ATP1A4: variants seen among roughly 807,000 people sequenced by gnomAD.
ATP1A4 encodes ATPase Na+/K+ transporting subunit alpha 4.
ATP1A4 carries 90 observed loss-of-function variants against 114.3 expected under a neutral mutation model. The ratio of observed to expected loss-of-function variants is 0.79; its 90% confidence interval spans 0.66 to 0.94. ATP1A4 has a LOEUF of 0.94. ATP1A4 is among the 40% of genes least tolerant of loss of function. ATP1A4 has a pLI of 0.00. For missense variants in ATP1A4, 1,222 were observed against 1,313.6 expected (o/e 0.93, Z 1.08); for synonymous variants, 511 against 494.1 (o/e 1.03, Z -0.45).
At chr1:160,160,801 G>A (rs978553096) in intron 6 of ATP1A4, among the ~76,000 whole-genome samples, 1 of 152,064 alleles carries the variant, frequency 6.6e-6, no homozygotes, top group African/African-American at 2.4e-5. Context: ...GAAGCGTAAT[G>A]TTAAGACAGA....
intron 13 of ATP1A4, among the ~76,000 whole-genome samples, 172 bp from the exon 14 acceptor site, chr1:160,173,937 CAA>C (rs938849370): frequency 4.1e-4 from 62 of 151,984 alleles, no homozygotes; most frequent in African/African-American, 1.4e-3. Context: ...GAGTGGTTGG[CAA>C]AAGTGTGGGG....
At chr1:160,172,861 A>T (rs1653313017) in intron 12 of ATP1A4, among the ~76,000 whole-genome samples, 1 of 152,136 alleles carries the variant, frequency 6.6e-6, no homozygotes, top group Non-Finnish European at 1.5e-5. Context: ...TCATTCCTCC[A>T]TTCCTTCATT....
At position 160,174,221 on chromosome 1, in the gene ATP1A4, C is replaced by T; in HGVS notation, c.2102C>T (p.Pro701Leu). The T allele has an allele frequency of 5.6e-6, 9 of 1,614,158 alleles. No individual in the cohort carries two copies. Among genetic ancestry groups the T allele is most frequent in the Non-Finnish European group, 7.6e-6 (9 of 1,180,038 alleles). ...HPEIVFARTS[P>L]QQKLIIVEGC... ...GAGATCGTGTTTGCTCGGACCTCCC[C>T]TCAGCAGAAGCTCATCATTGTCGAG... The change falls in exon 14 of 22, where the codon CCT becomes CTT. Residue 701 changes from proline (P) to leucine (L), a missense_variant. By Grantham distance (98) the Pro-to-Leu change is moderately conservative. Coordinates refer to ENST00000368081, the MANE Select transcript of ATP1A4 (RefSeq NM_144699.4).
Position 160,164,299 on chromosome 1 carries a change from G to T in ATP1A4, c.922G>T (p.Val308Phe). The T allele has an allele frequency of 6.2e-7, 1 of 1,614,158 alleles. No individual in the cohort carries two copies. The highest frequency in any genetic ancestry group is 8.5e-7 in the Non-Finnish European group (1 of 1,180,026). ...HFIHLITVVAVFLGVTFFALS... is the reference protein window; with the variant it reads ...HFIHLITVVAFFLGVTFFALS... ...CATCCATCTGATCACTGTGGTGGCC[G>T]TCTTCCTTGGTGTCACTTTTTTTGC... The change falls in exon 7 of 22, where the codon GTC becomes TTC. Residue 308 changes from valine (V) to phenylalanine (F), a missense_variant. Val to Phe is a conservative substitution (Grantham distance 50, BLOSUM62 -1). Coordinates refer to ENST00000368081, the MANE Select transcript of ATP1A4 (RefSeq NM_144699.4).
At chr1:160,160,073 A>G (rs927182406) in intron 6 of ATP1A4, among the ~76,000 whole-genome samples, 6 of 152,220 alleles carry the variant, frequency 3.9e-5, no homozygotes, top group Admixed American at 3.9e-4. Context: ...GCAAAGTGGT[A>G]ATAAAAAGGG....
At chr1:160,154,322 G>A (rs1191446779) in intron 2 of ATP1A4, among the ~76,000 whole-genome samples, 7 of 151,826 alleles carry the variant, frequency 4.6e-5, no homozygotes, top group African/African-American at 1.7e-4. Flanking sequence ...GCAGTAAGCC[G>A]AGATCATGCC....
chr1:160,163,666 C>A (rs1049730636), intron 6 of ATP1A4, among the ~76,000 whole-genome samples: 2 of 152,132 alleles, frequency 1.3e-5, no homozygotes, highest in African/African-American at 4.8e-5. Context: ...AGACACTTTC[C>A]AAACCCAGTC....
chr1:160,176,259 C>G lies in ATP1A4; in HGVS notation c.2466+13C>G. ...CGGCACTGACATGGTAAGGGCCAAG[C>G]TGGTGAGCAAGAGATTCCCAGAATT... On this transcript the variant is annotated intron_variant, in intron 16 of 21. Transcript: ENST00000368081. The G allele has an allele frequency of 6.2e-7, 1 of 1,613,856 alleles. No homozygotes were observed. The highest frequency in any genetic ancestry group is 8.5e-7 in the Non-Finnish European group (1 of 1,179,774).
At chr1:160,173,966 C>A in intron 13 of ATP1A4, 145 bp from the exon 14 acceptor site, 1 of 1,100,670 alleles carries the variant, frequency 9.1e-7, no homozygotes, top group Non-Finnish European at 1.3e-6. Context: ...TAGGATGTGT[C>A]AATTTGGGGA....
At chr1:160,179,817 T>C (rs1166204782) in intron 18 of ATP1A4, among the ~76,000 whole-genome samples, 1 of 152,168 alleles carries the variant, frequency 6.6e-6, no homozygotes, top group African/African-American at 2.4e-5. Context: ...TAACCAAATA[T>C]ATAATATATT....
chr1:160,168,377 C>CTTTTT lies in ATP1A4; in HGVS notation c.1491+983_1491+987dup, dbSNP rs11397218. On this transcript the variant is annotated intron_variant, in intron 10 of 21. Coordinates refer to ENST00000368081, the MANE Select transcript of ATP1A4 (RefSeq NM_144699.4). ...ATGAGACTCCCAAGTCTGCTGGTAT[C>CTTTTT]TTTTTTTTTTTTTTTTTTTTTTGAG... 3.3e-3 allele frequency among the ~76,000 whole-genome samples: 321 copies of CTTTTT among 97,022 alleles called. 5 individuals are homozygous for CTTTTT. Among genetic ancestry groups the CTTTTT allele is most frequent in the East Asian group, 0.01 (29 of 2,900 alleles). The allele number at this position is 97,022 out of a possible 152,430, so 63.7% of individuals were successfully genotyped here.
chr1:160,159,705 G>A (rs7551983), intron 6 of ATP1A4, among the ~76,000 whole-genome samples, 179 bp downstream of exon 6: 90,700 of 152,106 alleles, frequency 0.6, 27,293 homozygotes, highest in Admixed American at 0.66. Flanking sequence ...CATTCGCACA[G>A]TGATGACAGT....
In ATP1A4 at chr1:160,152,153, G is replaced by A. The variant is rs755588909; in HGVS notation, c.113G>A (p.Arg38His). The change falls in exon 1 of 22, where the codon CGC (arginine) becomes CAC (histidine). Residue 38 changes from arginine (R) to histidine (H), a missense_variant. Arg to His is a conservative substitution (Grantham distance 29, BLOSUM62 0). Transcript: ENST00000368081. ...KKMVKREKQKRNMEELKKEVV... is the reference protein window; with the variant it reads ...KKMVKREKQKHNMEELKKEVV... ...ATGGTGAAGAGGGAAAAACAGAAGC[G>A]CAATATGGAGGAACTGAAGAAGGAA... 36 of 1,613,784 alleles carry A rather than the reference G, an allele frequency of 2.2e-5. No homozygotes were observed. The highest frequency in any genetic ancestry group is 1.6e-4 in the Middle Eastern group (1 of 6,084).
intron 7 of ATP1A4, among the ~76,000 whole-genome samples, chr1:160,165,362 C>G (rs1371456773): frequency 6.6e-6 from 1 of 152,226 alleles, no homozygotes; most frequent in Non-Finnish European, 1.5e-5. Context: ...TCACACTTGA[C>G]TTACATTGCC....
chr1:160,174,411 G>A (rs1653381934), intron 14 of ATP1A4, 150 bp downstream of exon 14: 2 of 1,427,992 alleles, frequency 1.4e-6, no homozygotes, highest in East Asian at 2.5e-5. Context: ...TCAGTTTGGG[G>A]CTCCCTGAAA....
intron 4 of ATP1A4, among the ~76,000 whole-genome samples, chr1:160,157,947 G>C (rs1287272256): frequency 6.6e-6 from 1 of 152,152 alleles, no homozygotes; most frequent in Non-Finnish European, 1.5e-5. Context: ...AAAGGAATAG[G>C]CTCCACATTT....
rs567257249 is a variant in ATP1A4 at position 160,157,812 on chromosome 1, G to A, written c.526-1190G>A. 3.3e-5 allele frequency among the ~76,000 whole-genome samples: 5 copies of A among 152,230 alleles called. No individual in the cohort carries two copies. In the East Asian group the frequency reaches 7.7e-4, roughly 23 times the overall value. ...TAAAGGTTATATAGGTGTTCTTGGT[G>A]CTATTTTTATTCTTGCAACTTCTCT... On this transcript the variant is annotated intron_variant, in intron 4 of 21. Coordinates refer to ENST00000368081, the MANE Select transcript of ATP1A4 (RefSeq NM_144699.4).
At chr1:160,180,454 CCCT>C (rs1361556804) in intron 18 of ATP1A4, among the ~76,000 whole-genome samples, 1 of 152,134 alleles carries the variant, frequency 6.6e-6, no homozygotes. Context: ...GTTCCCATAG[CCCT>C]CTGCAGTCTC....
At chr1:160,158,062 G>C (rs1652729327) in intron 4 of ATP1A4, among the ~76,000 whole-genome samples, 2 of 152,126 alleles carry the variant, frequency 1.3e-5, no homozygotes, top group African/African-American at 4.8e-5. Flanking sequence ...CAAAGTGTTT[G>C]GGCAGTTTTG....
Sources: allele counts gnomAD v4.1 joint callset (sites outside exome capture counted in the v4.1 genomes callset), GRCh38; gene constraint gnomAD v4.1.1; transcripts MANE v1.5; gene names NCBI Gene and HGNC (gene_info 2026-07-23, HGNC 2026-07-21).